Variants in TTBK2 observed in about 807,000 individuals in gnomAD.
The protein encoded by TTBK2 is tau-tubulin kinase 2.
A neutral mutation model predicts 110.8 loss-of-function variants in TTBK2; 28 were observed. That is an observed-to-expected ratio of 0.25 (90% confidence interval 0.19 to 0.35). TTBK2 has a LOEUF of 0.35. Ranked by LOEUF, TTBK2 falls within the 10% of genes least tolerant of loss-of-function variation. TTBK2 has a pLI of 1.00. For missense variants in TTBK2, 1,369 were observed against 1,500.3 expected (o/e 0.91, Z 1.45); for synonymous variants, 532 against 527.3 (o/e 1.01, Z -0.12).
At chr15:42,908,826 CAT>C (rs1301736811) in intron 1 of TTBK2, among the ~76,000 whole-genome samples, 2 of 152,148 alleles carry the variant, frequency 1.3e-5, no homozygotes, top group African/African-American at 4.8e-5. Context: ...CAAGAATGTT[CAT>C]AGTCACATTG....
intron 1 of TTBK2, among the ~76,000 whole-genome samples, chr15:42,896,200 T>C (rs1286260970): frequency 2.6e-5 from 4 of 151,926 alleles, no homozygotes; most frequent in Non-Finnish European, 4.4e-5. Flanking sequence ...TGGTGGCACA[T>C]GCCTGTAATC....
At position 42,801,972 on chromosome 15, in the gene TTBK2, A is replaced by G. The variant is rs756911859; in HGVS notation, c.823-7171T>C. ...GGCCCAGAGTCTCCAGCTGCCACTTAAGGTTGTTGATGTAGCTCTCGAACA... is the reference window on the plus strand; with the variant it reads ...GGCCCAGAGTCTCCAGCTGCCACTTGAGGTTGTTGATGTAGCTCTCGAACA... On this transcript the variant is annotated intron_variant, in intron 9 of 14. Coordinates refer to ENST00000267890, the MANE Select transcript of TTBK2 (RefSeq NM_173500.4). The G allele has an allele frequency of 8.9e-6, 14 of 1,568,866 alleles. 1 individual carries two copies. In the South Asian group the frequency reaches 1.5e-4, roughly 17 times the overall value.
chr15:42,746,347 T>A (rs1483211813), intron 14 of TTBK2, 90 bp from the exon 15 acceptor site: 2 of 1,023,414 alleles, frequency 2.0e-6, no homozygotes, highest in East Asian at 5.2e-5. Context: ...AATGTGAATG[T>A]GTAGAAATCA....
At chr15:42,774,777 G>A (rs1889827900) in intron 13 of TTBK2, among the ~76,000 whole-genome samples, 1 of 152,176 alleles carries the variant, frequency 6.6e-6, no homozygotes, top group South Asian at 2.1e-4. Context: ...ACCATGAAGG[G>A]TTAAATAGAT....
At chr15:42,837,511 T>C (rs1354935759) in intron 4 of TTBK2, among the ~76,000 whole-genome samples, 2 of 151,678 alleles carry the variant, frequency 1.3e-5, no homozygotes, top group Non-Finnish European at 2.9e-5. Context: ...ACATAAAAAT[T>C]AGCCAAGTGT....
chr15:42,783,360 A>G, intron 11 of TTBK2, 59 bp downstream of exon 11: 1 of 1,557,188 alleles, frequency 6.4e-7, no homozygotes, highest in Non-Finnish European at 8.8e-7. Flanking sequence ...TCCTTCTTGG[A>G]CTTCCCAGCC....
chr15:42,765,358 TA>T (rs1274201890), intron 13 of TTBK2, among the ~76,000 whole-genome samples: 1 of 152,160 alleles, frequency 6.6e-6, no homozygotes, highest in African/African-American at 2.4e-5. Context: ...GCAAGGAAGC[TA>T]AAAACCTTGA....
At position 42,742,551 on chromosome 15, in the gene TTBK2, G is replaced by A. The variant is rs2061757677; in HGVS notation, c.*3244C>T. 6.6e-6 allele frequency: 1 copy of A among 152,132 alleles called. No individual in the cohort carries two copies. Among genetic ancestry groups the A allele is most frequent in the Non-Finnish European group, 1.5e-5 (1 of 68,036 alleles). The allele number at this position is 152,132 out of a possible 1,614,324, so 9.4% of individuals were successfully genotyped here. On this transcript the variant is annotated 3_prime_UTR_variant, in exon 15 of 15. Coordinates refer to ENST00000267890, the MANE Select transcript of TTBK2 (RefSeq NM_173500.4). ...CCTGAGGATTTGGCAGCAGAATTCA[G>A]GAGAAATGCTACCTAAAGTGATTGA...
intron 1 of TTBK2, among the ~76,000 whole-genome samples, chr15:42,907,719 T>C (rs932527629): frequency 2.6e-5 from 4 of 152,118 alleles, no homozygotes; most frequent in Non-Finnish European, 5.9e-5. Flanking sequence ...TTATTGTTAC[T>C]AAACTGTACA....
At chr15:42,765,367 T>C (rs1889311630) in intron 13 of TTBK2, among the ~76,000 whole-genome samples, 1 of 152,056 alleles carries the variant, frequency 6.6e-6, no homozygotes, top group South Asian at 2.1e-4. Flanking sequence ...CTAAAAACCT[T>C]GAAAAAAGAT....
chr15:42,755,695 A>G (rs1223518297), intron 13 of TTBK2, among the ~76,000 whole-genome samples: 2 of 152,144 alleles, frequency 1.3e-5, no homozygotes, highest in Non-Finnish European at 1.5e-5. Context: ...AAGTTATCTC[A>G]TATTTCTGTT....
chr15:42,857,997 C>CACT (rs1894012080), intron 3 of TTBK2, among the ~76,000 whole-genome samples: 1 of 152,032 alleles, frequency 6.6e-6, no homozygotes, highest in Non-Finnish European at 1.5e-5. Flanking sequence ...GCACAAGGAT[C>CACT]ACTTGAACCT....
intron 4 of TTBK2, among the ~76,000 whole-genome samples, chr15:42,831,983 C>G (rs900333012): frequency 2.0e-5 from 3 of 152,058 alleles, no homozygotes; most frequent in Non-Finnish European, 4.4e-5. Context: ...CGAAGTACTC[C>G]TCAAGTAACA....
At chr15:42,750,876 A>G (rs2061855861) in intron 14 of TTBK2, among the ~76,000 whole-genome samples, 1 of 152,182 alleles carries the variant, frequency 6.6e-6, no homozygotes, top group Non-Finnish European at 1.5e-5. Context: ...AATTATCAGA[A>G]CACTTCTCAT....
chr15:42,772,514 G>C (rs1889721562), intron 13 of TTBK2, among the ~76,000 whole-genome samples: 2 of 152,204 alleles, frequency 1.3e-5, no homozygotes, highest in Admixed American at 1.3e-4. Context: ...CTAGCTCCAA[G>C]AAATTGTGTG....
chr15:42,821,679 GT>G (rs938835323), intron 6 of TTBK2, among the ~76,000 whole-genome samples: 1 of 139,604 alleles, frequency 7.2e-6, no homozygotes, highest in Non-Finnish European at 1.5e-5. Flanking sequence ...CAGGGTTTTT[GT>G]TTTTTGTTTT....
intron 3 of TTBK2, among the ~76,000 whole-genome samples, chr15:42,870,381 G>A (rs926865414): frequency 4.6e-5 from 7 of 152,108 alleles, no homozygotes; most frequent in South Asian, 4.2e-4. Flanking sequence ...CTAGTAATGA[G>A]AGTTTTGCCT....
intron 3 of TTBK2, among the ~76,000 whole-genome samples, chr15:42,847,127 T>A (rs190167272): frequency 5.9e-4 from 90 of 152,334 alleles, no homozygotes; most frequent in African/African-American, 2.0e-3. Flanking sequence ...CAGTCAGAAG[T>A]ACAGTTTAAG....
At position 42,815,958 on chromosome 15, in the gene TTBK2, A is replaced by AAATATATATAT. The variant is rs71108183; in HGVS notation, c.603+1073_603+1074insATATATATATT. ...TATATATATATATATTTAAAAAAAA[A>AAATATATATAT]ATATATATATATATATATATTTGAG... On this transcript the variant is annotated intron_variant, in intron 7 of 14. Transcript: ENST00000267890. Among the ~76,000 whole-genome samples the AAATATATATAT allele has an allele frequency of 3.2e-3, 291 of 91,672 alleles. 14 individuals carry two copies. Among genetic ancestry groups the AAATATATATAT allele is most frequent in the African/African-American group, 0.011 (179 of 16,132 alleles). The allele number at this position is 91,672 out of a possible 152,430, so 60.1% of individuals were successfully genotyped here. A position where few individuals can be genotyped will look rare whatever the true frequency, so the allele number is the denominator to read the frequency against.
Sources: gnomAD v4.1 joint callset for allele counts (sites outside exome capture counted in the v4.1 genomes callset) on GRCh38, gnomAD v4.1.1 for gene constraint, MANE v1.5 for transcripts, NCBI Gene and HGNC (gene_info 2026-07-23, HGNC 2026-07-21) for gene names.